The following NFIB variants were observed in gnomAD, a reference collection of about 807,000 sequenced individuals.
NFIB encodes nuclear factor 1 B-type.
Under a neutral mutation model 61.5 loss-of-function variants are expected in NFIB, and 11 were observed. The observed-to-expected ratio is 0.18, with a 90% CI of 0.11 to 0.30. NFIB has a LOEUF of 0.30. NFIB is among the 10% of genes least tolerant of loss of function. The pLI, the probability that NFIB is intolerant of heterozygous loss-of-function variation, is 1.00. For synonymous variants in NFIB, 260 were observed against 216.5 expected (o/e 1.20, Z -1.76); for missense variants, 471 against 608.9 (o/e 0.77, Z 2.38).
chr9:14,244,956 A>T (rs1415596504), intron 2 of NFIB, among the ~76,000 whole-genome samples: 2 of 152,136 alleles, frequency 1.3e-5, no homozygotes, highest in African/African-American at 4.8e-5. Flanking sequence ...CCTCCTACTT[A>T]TCTGACTTCT....
the NFIB span, among the ~76,000 whole-genome samples, chr9:14,412,777 C>T: frequency 6.6e-6 from 1 of 152,186 alleles, no homozygotes; most frequent in Non-Finnish European, 1.5e-5. Flanking sequence ...CGTAATTAAA[C>T]TAGACCCAGG....
chr9:14,518,427 C>T, the NFIB span, among the ~76,000 whole-genome samples: 3 of 151,928 alleles, frequency 2.0e-5, no homozygotes, highest in Non-Finnish European at 4.4e-5. Context: ...TGGTAAGAGT[C>T]TTCCTGATGA....
intron 6 of NFIB, among the ~76,000 whole-genome samples, chr9:14,137,746 C>A (rs926136572): frequency 6.6e-6 from 1 of 151,988 alleles, no homozygotes; most frequent in South Asian, 2.1e-4. Context: ...TATATTTTGA[C>A]AAATATAGCT....
At chr9:14,157,755 T>C (rs2043605855) in intron 3 of NFIB, among the ~76,000 whole-genome samples, 1 of 152,290 alleles carries the variant, frequency 6.6e-6, no homozygotes, top group East Asian at 1.9e-4. Flanking sequence ...TGTAACTTAC[T>C]ATCATATAGA....
chr9:14,125,878 C>A (rs1161669388), intron 6 of NFIB, 112 bp from the exon 7 acceptor site: 1 of 1,408,568 alleles, frequency 7.1e-7, no homozygotes, highest in Non-Finnish European at 9.5e-7. Flanking sequence ...TATACTTTGG[C>A]TCTTTTACAA....
At chr9:14,411,373 T>C in the NFIB span, among the ~76,000 whole-genome samples, 1 of 152,192 alleles carries the variant, frequency 6.6e-6, no homozygotes, top group Admixed American at 6.5e-5. Context: ...ACAGAGGTCT[T>C]AGTCGAGTTC....
the NFIB span, among the ~76,000 whole-genome samples, chr9:14,459,306 C>T: frequency 2.0e-5 from 3 of 152,160 alleles, no homozygotes; most frequent in East Asian, 5.8e-4. Context: ...GGAAAACTGG[C>T]TAGCCATATG....
At chr9:14,111,593 C>T (rs1563795118) in intron 10 of NFIB, among the ~76,000 whole-genome samples, 1 of 151,842 alleles carries the variant, frequency 6.6e-6, no homozygotes, top group Non-Finnish European at 1.5e-5. Flanking sequence ...TTAAAAAACA[C>T]AATGGACACA....
the NFIB span, among the ~76,000 whole-genome samples, chr9:14,486,867 A>T: frequency 5.3e-5 from 8 of 152,210 alleles, no homozygotes; most frequent in Non-Finnish European, 8.8e-5. Context: ...TCTACATTGA[A>T]CATCTATTAT....
At chr9:14,190,087 T>C (rs577975153) in intron 2 of NFIB, among the ~76,000 whole-genome samples, 1 of 152,178 alleles carries the variant, frequency 6.6e-6, no homozygotes, top group Non-Finnish European at 1.5e-5. Flanking sequence ...CTCTATCATG[T>C]TAGCTAAAAA....
At chr9:14,391,707 C>T (rs2061624833) in intron 1 of NFIB, among the ~76,000 whole-genome samples, 1 of 152,124 alleles carries the variant, frequency 6.6e-6, no homozygotes, top group African/African-American at 2.4e-5. Context: ...TAGCCCACCC[C>T]AAGGGAAGAA....
intron 2 of NFIB, among the ~76,000 whole-genome samples, chr9:14,302,498 G>C (rs2059801767): frequency 2.0e-5 from 3 of 152,166 alleles, no homozygotes; most frequent in Admixed American, 6.5e-5. Flanking sequence ...CAAGGCTAAA[G>C]GAAACTACTT....
intron 2 of NFIB, among the ~76,000 whole-genome samples, chr9:14,250,481 G>A (rs1184701471): frequency 6.6e-6 from 1 of 152,150 alleles, no homozygotes; most frequent in Non-Finnish European, 1.5e-5. Context: ...ACTTTCAGGT[G>A]TGTCCCAAGA....
At chr9:14,507,979 C>G in the NFIB span, among the ~76,000 whole-genome samples, 1 of 126,188 alleles carries the variant, frequency 7.9e-6, no homozygotes, top group African/African-American at 2.8e-5. Flanking sequence ...CAAACACACA[C>G]ACACACACAC....
intron 1 of NFIB, among the ~76,000 whole-genome samples, chr9:14,355,753 G>A (rs902710933): frequency 9.2e-5 from 14 of 152,086 alleles, no homozygotes; most frequent in African/African-American, 2.7e-4. Context: ...TCAGGAGTTC[G>A]AGACCATCCT....
intron 2 of NFIB, among the ~76,000 whole-genome samples, chr9:14,298,901 G>T (rs1029402410): frequency 1.3e-5 from 2 of 152,180 alleles, no homozygotes; most frequent in South Asian, 2.1e-4. Flanking sequence ...GTTGCATCAG[G>T]TAGCAGGGTT....
chr9:14,374,223 TTTAAA>T (rs2061391142), intron 1 of NFIB, among the ~76,000 whole-genome samples: 1 of 152,264 alleles, frequency 6.6e-6, no homozygotes, highest in Non-Finnish European at 1.5e-5. Flanking sequence ...TTTCTTTCTT[TTTAAA>T]TTATTTTCTT....
chr9:14,530,212 T>C, the NFIB span, among the ~76,000 whole-genome samples: 1 of 152,196 alleles, frequency 6.6e-6, no homozygotes, highest in Non-Finnish European at 1.5e-5. Context: ...CTTGGTATTG[T>C]CACAGAAAGC....
the NFIB span, among the ~76,000 whole-genome samples, chr9:14,479,227 G>C: frequency 2.0e-5 from 3 of 152,240 alleles, no homozygotes; most frequent in South Asian, 4.1e-4. Flanking sequence ...GCACAGAAAA[G>C]CACCCTTGTG....
Sources: gnomAD v4.1 joint callset for allele counts (sites outside exome capture counted in the v4.1 genomes callset) on GRCh38, gnomAD v4.1.1 for gene constraint, MANE v1.5 for transcripts, NCBI Gene and HGNC (gene_info 2026-07-23, HGNC 2026-07-21) for gene names.